The following PI4KA variants were observed in gnomAD, a reference collection of about 807,000 sequenced individuals.
PI4KA encodes the protein phosphatidylinositol 4-kinase alpha.
PI4KA carries 122 observed loss-of-function variants against 271.4 expected under a neutral mutation model. The ratio of observed to expected loss-of-function variants is 0.45; its 90% CI spans 0.39 to 0.52. The LOEUF (loss-of-function observed/expected upper bound fraction) is 0.52, where lower values mean the gene tolerates loss of function less well. Ranked by LOEUF, PI4KA falls within the 20% of genes least tolerant of loss-of-function variation. The pLI is 0.00. For synonymous variants in PI4KA, 1,041 were observed against 1,078.8 expected (o/e 0.96, Z 0.69); for missense variants, 1,969 against 2,769.1 (o/e 0.71, Z 6.48).
At chr22:20,842,972 T>C (rs1283567401) in intron 1 of PI4KA, among the ~76,000 whole-genome samples, 1 of 150,098 alleles carries the variant, frequency 6.7e-6, no homozygotes, top group African/African-American at 2.5e-5. Context: ...GCGGCATGCG[T>C]CTATAGTCCC....
At position 20,817,734 on chromosome 22, in the gene PI4KA, C is replaced by CAAAAAAAAAAAAAAAAAAAAAAA. The variant is rs361731; in HGVS notation, c.856+726_856+748dup. On this transcript the variant is annotated intron_variant, in intron 7 of 54. Transcript: ENST00000255882. ...GGGTGGCAGAGTGAGACTCTCTCTC[C>CAAAAAAAAAAAAAAAAAAAAAAA]AAAAAAAAAAAAAAAAAAAAAAAAA... is the stretch of plus-strand genomic sequence containing the variant. Among the ~76,000 whole-genome samples, 7 of 13,972 alleles carry CAAAAAAAAAAAAAAAAAAAAAAA rather than the reference C, an allele frequency of 5.0e-4. 3 individuals are homozygous for CAAAAAAAAAAAAAAAAAAAAAAA. Among genetic ancestry groups the CAAAAAAAAAAAAAAAAAAAAAAA allele is most frequent in the Non-Finnish European group, 9.4e-4 (7 of 7,462 alleles). 9.2% of individuals were successfully genotyped at this position (13,972 alleles called of 152,430 possible).
At chr22:20,722,066 G>C (rs578156982) in intron 42 of PI4KA, 49 of 152,358 alleles carry the variant, frequency 3.2e-4, no homozygotes, top group African/African-American at 1.1e-3. Context: ...CTTGCTGCCA[G>C]GTAAGACGGA....
intron 1 of PI4KA, among the ~76,000 whole-genome samples, chr22:20,854,859 A>C (rs980069755): frequency 6.6e-6 from 1 of 152,212 alleles, no homozygotes; most frequent in Non-Finnish European, 1.5e-5. Context: ...ACTCTTAAGA[A>C]CAAGAAACTT....
chr22:20,808,089 G>C (rs972865677), intron 9 of PI4KA, among the ~76,000 whole-genome samples: 6 of 151,906 alleles, frequency 3.9e-5, no homozygotes. Flanking sequence ...TCGGGAGTTT[G>C]AGACCAGCCT....
chr22:20,799,523 C>T, intron 15 of PI4KA, 148 bp downstream of exon 15: 1 of 733,438 alleles, frequency 1.4e-6, no homozygotes, highest in Non-Finnish European at 2.3e-6. Context: ...GTGGGCTTCA[C>T]CTTAAATCTT....
At chr22:20,753,952 C>T (rs1274107297) in intron 23 of PI4KA, among the ~76,000 whole-genome samples, 1 of 152,228 alleles carries the variant, frequency 6.6e-6, no homozygotes, top group African/African-American at 2.4e-5. Context: ...TCCCAAAGTG[C>T]TGGGATTACA....
intron 19 of PI4KA, chr22:20,784,222 A>G (rs1413108710): frequency 6.2e-7 from 1 of 1,614,042 alleles, no homozygotes; most frequent in African/African-American, 1.3e-5. Flanking sequence ...TGGTGGAGAG[A>G]TGGCAAAAAA....
chr22:20,789,811 CAG>C (rs1303060348), intron 19 of PI4KA, among the ~76,000 whole-genome samples: 2 of 152,144 alleles, frequency 1.3e-5, no homozygotes, highest in East Asian at 3.8e-4. Flanking sequence ...TTTCCATGGA[CAG>C]AGAGTGCACA....
chr22:20,834,754 C>T (rs913154207), intron 2 of PI4KA, 99 bp from the exon 3 acceptor site: 18 of 702,224 alleles, frequency 2.6e-5, no homozygotes, highest in Admixed American at 6.9e-5. Flanking sequence ...ATATCCACAT[C>T]CTAATCATCT....
At chr22:20,751,453 C>T in intron 26 of PI4KA, 77 bp from the exon 27 acceptor site, 1 of 1,251,646 alleles carries the variant, frequency 8.0e-7, no homozygotes, top group Non-Finnish European at 1.2e-6. Context: ...GCCACCCCTA[C>T]CCACCACCTG....
At chr22:20,779,987 T>C (rs1368379212) in intron 19 of PI4KA, 2 of 1,614,114 alleles carry the variant, frequency 1.2e-6, no homozygotes, top group African/African-American at 2.7e-5. Context: ...ATGACCTTTA[T>C]ATCCAGAAGC....
At chr22:20,729,734 G>A (rs1411240923) in intron 37 of PI4KA, 23 bp from the exon 38 acceptor site, 1 of 1,584,848 alleles carries the variant, frequency 6.3e-7, no homozygotes, top group Admixed American at 1.8e-5. Flanking sequence ...ACAAAGCACA[G>A]GTGTAGTCCT....
intron 29 of PI4KA, 40 bp from the exon 30 acceptor site, chr22:20,744,760 T>C (rs769173427): frequency 7.6e-5 from 114 of 1,505,730 alleles, no homozygotes; most frequent in Non-Finnish European, 9.4e-5. Context: ...ATGGCAGCAC[T>C]ATCCTTTCCT....
chr22:20,819,726 C>T lies in PI4KA; in HGVS notation c.704G>A (p.Arg235His). The change falls in exon 6 of 55, where the codon CGC (arginine) becomes CAC (histidine). Residue 235 changes from arginine to histidine, a missense_variant. Physicochemically the swap from Arg to His is conservative, Grantham distance 29 (BLOSUM62 0). Coordinates refer to ENST00000255882, the MANE Select transcript of PI4KA (RefSeq NM_058004.4). ...CAGCAGATTGCTGGGGAGGATGGAG[C>T]GGAAGTCATTAAAGGAACGCCTTCG... Reference protein sequence around the residue: ...GVRRRSFNDFRSILPSNLLTV... With the variant: ...GVRRRSFNDFHSILPSNLLTV... 1.2e-6 allele frequency: 2 copies of T among 1,613,796 alleles called. No homozygotes were observed. Among genetic ancestry groups the T allele is most frequent in the Non-Finnish European group, 1.7e-6 (2 of 1,179,824 alleles).
chr22:20,737,632 T>TCC (rs1490349852), intron 32 of PI4KA, among the ~76,000 whole-genome samples: 4 of 110,310 alleles, frequency 3.6e-5, no homozygotes, highest in South Asian at 2.7e-4. Flanking sequence ...CCTACTCTTT[T>TCC]TCTTTTTTTT....
At chr22:20,726,343 G>A in intron 42 of PI4KA, 145 bp downstream of exon 42, 1 of 588,618 alleles carries the variant, frequency 1.7e-6, no homozygotes, top group Non-Finnish European at 2.8e-6. Context: ...CAGGGCCTGG[G>A]GTAGGGGGAG....
rs770723933 is a variant in PI4KA at position 20,718,793 on chromosome 22, C to T, written c.5146G>A (p.Val1716Ile). Residue 1716 changes from valine to isoleucine, a missense_variant, in exon 44 of 55, where the codon GTA (valine) becomes ATA (isoleucine). Val to Ile is a conservative substitution (Grantham distance 29). Transcript: ENST00000255882. Reference protein sequence around the residue: ...PDIGDLLDQLVEEITGSLSGP... With the variant: ...PDIGDLLDQLIEEITGSLSGP... The stretch of plus-strand genomic sequence containing the variant: ...GACAAGGAGCCTGTGATCTCCTCTA[C>T]CAACTGATCCAGGAGGTCGCCGATG... 3.7e-6 allele frequency: 6 copies of T among 1,613,876 alleles called. No individual in the cohort carries two copies. Among genetic ancestry groups the T allele is most frequent in the Non-Finnish European group, 5.1e-6 (6 of 1,179,962 alleles).
chr22:20,838,628 T>G lies in PI4KA; in HGVS notation c.260A>C (p.Glu87Ala), dbSNP rs1925176348. The G allele has an allele frequency of 6.3e-7, 1 of 1,594,738 alleles. No individual in the cohort carries two copies. Among genetic ancestry groups the G allele is most frequent in the African/African-American group, 1.3e-5 (1 of 74,640 alleles). Residue 87 changes from glutamate to alanine, a missense_variant, in exon 2 of 55, where the codon GAA (glutamate) becomes GCA (alanine). Physicochemically the swap from Glu to Ala is moderately radical, Grantham distance 107. This residue lies in a region of PI4KA where 540 missense variants were observed against 555.5 expected (regional missense o/e 0.97). Coordinates refer to ENST00000255882, the MANE Select transcript of PI4KA (RefSeq NM_058004.4). Reference protein sequence around the residue: ...AVIALGIFLIESDLQHKDCVV... With the variant: ...AVIALGIFLIASDLQHKDCVV... ...ATGAAGACTTACCTGAAGATCAGAT[T>G]CAATCAGAAAAATGCCCAATGCAAT...
intron 44 of PI4KA, among the ~76,000 whole-genome samples, chr22:20,718,354 G>A (rs1926273790): frequency 6.6e-6 from 1 of 152,258 alleles, no homozygotes; most frequent in Admixed American, 6.5e-5. Context: ...GACACCATGA[G>A]GATCGATCCT....
Sources: allele counts gnomAD v4.1 joint callset (sites outside exome capture counted in the v4.1 genomes callset), GRCh38; gene constraint gnomAD v4.1.1; regional missense constraint gnomAD v4.1.1; transcripts MANE v1.5; gene names NCBI Gene and HGNC (gene_info 2026-07-23, HGNC 2026-07-21).